The following MS4A5 variants were observed in gnomAD, a reference collection of about 807,000 sequenced individuals.
MS4A5 encodes the protein membrane spanning 4-domains A5.
Under a neutral mutation model 18.2 loss-of-function variants are expected in MS4A5, and 15 were observed. The ratio of observed to expected loss-of-function variants is 0.83; its 90% CI spans 0.55 to 1.27. The LOEUF (loss-of-function observed/expected upper bound fraction) is 1.27, where lower values mean the gene tolerates loss of function less well. MS4A5 is among the 50% of genes most tolerant of loss of function. The pLI, the probability that MS4A5 is intolerant of heterozygous loss-of-function variation, is 0.00. For missense variants in MS4A5, 232 were observed against 225.7 expected (o/e 1.03, Z -0.18); for synonymous variants, 89 against 78.7 (o/e 1.13, Z -0.69).
chr11:60,438,489 G>T (rs1284349699), intron 4 of MS4A5, among the ~76,000 whole-genome samples: 1 of 151,942 alleles, frequency 6.6e-6, no homozygotes, highest in Non-Finnish European at 1.5e-5. Flanking sequence ...CCAGGAGCTG[G>T]TTTTTTGAAA....
intron 4 of MS4A5, among the ~76,000 whole-genome samples, chr11:60,441,205 C>T (rs1406533198): frequency 7.4e-6 from 1 of 135,264 alleles, no homozygotes; most frequent in African/African-American, 2.7e-5. Context: ...CATATTCTCA[C>T]TCATAGGTGG....
At chr11:60,433,287 T>C (rs1237990761) in intron 3 of MS4A5, among the ~76,000 whole-genome samples, 3 of 152,228 alleles carry the variant, frequency 2.0e-5, no homozygotes, top group African/African-American at 7.2e-5. Flanking sequence ...AAGTAGAATA[T>C]TTTTACTTTA....
Position 60,447,766 on chromosome 11 carries a change from C to T in MS4A5, c.*7C>T. On this transcript the variant is annotated 3_prime_UTR_variant, in exon 5 of 5. Transcript: ENST00000300190. Reference sequence around the variant, plus strand: ...TTGTGAACAATGTTGTTGACTAGCACTGTGAGAATAAAGATGTGTTAAAAT... The same window carrying T: ...TTGTGAACAATGTTGTTGACTAGCATTGTGAGAATAAAGATGTGTTAAAAT... 1 of 1,492,694 alleles carries T rather than the reference C, an allele frequency of 6.7e-7. No individual in the cohort carries two copies. Among genetic ancestry groups the T allele is most frequent in the Non-Finnish European group, 9.2e-7 (1 of 1,085,052 alleles). The allele number at this position is 1,492,694 out of a possible 1,614,324, so 92.5% of individuals were successfully genotyped here. A position where few individuals can be genotyped will look rare whatever the true frequency, so the allele number is the denominator to read the frequency against.
chr11:60,441,266 G>T (rs2086110000), intron 4 of MS4A5, among the ~76,000 whole-genome samples: 2 of 135,486 alleles, frequency 1.5e-5, no homozygotes, highest in South Asian at 2.5e-4. Context: ...ATCACACTCT[G>T]GGAACTGTTA....
intron 4 of MS4A5, among the ~76,000 whole-genome samples, chr11:60,434,247 T>C (rs1369821958): frequency 6.6e-6 from 1 of 152,120 alleles, no homozygotes; most frequent in Non-Finnish European, 1.5e-5. Flanking sequence ...AGAATCACAG[T>C]GGTGTGTTTT....
At chr11:60,443,674 A>C (rs2086125408) in intron 4 of MS4A5, among the ~76,000 whole-genome samples, 1 of 152,082 alleles carries the variant, frequency 6.6e-6, no homozygotes, top group Non-Finnish European at 1.5e-5. Flanking sequence ...ACCATGGATA[A>C]GATAAAATAA....
At chr11:60,442,680 C>T (rs1307551987) in intron 4 of MS4A5, among the ~76,000 whole-genome samples, 2 of 152,178 alleles carry the variant, frequency 1.3e-5, no homozygotes, top group Non-Finnish European at 2.9e-5. Context: ...ATACAATATA[C>T]TGTCATTAAC....
intron 1 of MS4A5, among the ~76,000 whole-genome samples, chr11:60,430,117 G>C (rs1480406473): frequency 2.0e-5 from 3 of 152,204 alleles, no homozygotes; most frequent in Non-Finnish European, 4.4e-5. Context: ...GAGAAGAAGA[G>C]AGCAGAGCAC....
intron 2 of MS4A5, among the ~76,000 whole-genome samples, chr11:60,432,156 C>T (rs1168644132): frequency 3.3e-5 from 5 of 152,048 alleles, no homozygotes; most frequent in African/African-American, 1.2e-4. Flanking sequence ...GATGAGTAAA[C>T]CAAAGCCCTG....
At chr11:60,444,342 A>G (rs1309495849) in intron 4 of MS4A5, among the ~76,000 whole-genome samples, 1 of 152,208 alleles carries the variant, frequency 6.6e-6, no homozygotes, top group Admixed American at 6.5e-5. Flanking sequence ...GTGAAATCCT[A>G]AACTATAAAG....
intron 4 of MS4A5, among the ~76,000 whole-genome samples, chr11:60,446,157 C>A (rs1443493833): frequency 6.6e-6 from 1 of 152,120 alleles, no homozygotes; most frequent in Non-Finnish European, 1.5e-5. Context: ...TGAATGATGA[C>A]AAACTACACC....
intron 3 of MS4A5, 31 bp from the exon 4 acceptor site, chr11:60,433,734 G>A: frequency 5.0e-6 from 8 of 1,608,752 alleles, no homozygotes; most frequent in Non-Finnish European, 6.8e-6. Flanking sequence ...CTGGACCTCA[G>A]TCACATTGTT....
At chr11:60,440,800 G>A (rs1378201934) in intron 4 of MS4A5, among the ~76,000 whole-genome samples, 2 of 120,772 alleles carry the variant, frequency 1.7e-5, no homozygotes, top group Non-Finnish European at 1.7e-5. Flanking sequence ...AGGATGTGGA[G>A]AAATAGGAAC....
chr11:60,445,160 T>C (rs2086132427), intron 4 of MS4A5, among the ~76,000 whole-genome samples: 1 of 152,024 alleles, frequency 6.6e-6, no homozygotes, highest in African/African-American at 2.4e-5. Context: ...TGACTCTCAA[T>C]AGGGTGGGAG....
At chr11:60,432,739 C>G (rs967654698) in intron 3 of MS4A5, among the ~76,000 whole-genome samples, 4 of 145,640 alleles carry the variant, frequency 2.7e-5, no homozygotes, top group African/African-American at 7.6e-5. Flanking sequence ...GAGCCGAGAT[C>G]GTGCCTGGGC....
At chr11:60,432,290 C>T (rs963388299) in intron 2 of MS4A5, 121 bp from the exon 3 acceptor site, 5 of 569,646 alleles carry the variant, frequency 8.8e-6, no homozygotes, top group Admixed American at 6.5e-5. Context: ...CTTCTCACTG[C>T]CCTGAGGAGT....
chr11:60,433,922 G>T lies in MS4A5; in HGVS notation c.492+5G>T. 6.2e-7 allele frequency: 1 copy of T among 1,613,240 alleles called. No homozygotes were observed. The highest frequency in any genetic ancestry group is 1.1e-5 in the South Asian group (1 of 90,962). ...GCTGTTACTGTCCTGTTCTTGGTAA[G>T]TATGTTGCATTTATAGAGTGATGAG... On this transcript the variant is annotated splice_donor_5th_base_variant and intron_variant, in intron 4 of 4. Transcript: ENST00000300190.
At chr11:60,439,264 A>G (rs28819386) in intron 4 of MS4A5, among the ~76,000 whole-genome samples, 1 of 120,114 alleles carries the variant, frequency 8.3e-6, no homozygotes, top group Non-Finnish European at 1.7e-5. Context: ...AGGTATTGAT[A>G]GGACGTATTT....
intron 4 of MS4A5, among the ~76,000 whole-genome samples, chr11:60,445,385 G>A (rs529055601): frequency 3.3e-5 from 5 of 151,716 alleles, no homozygotes; most frequent in African/African-American, 4.8e-5. Context: ...TCAGCCTCCC[G>A]AGTAGCTGAG....
Sources: gnomAD v4.1 joint callset for allele counts (sites outside exome capture counted in the v4.1 genomes callset) on GRCh38, gnomAD v4.1.1 for gene constraint, MANE v1.5 for transcripts, NCBI Gene and HGNC (gene_info 2026-07-23, HGNC 2026-07-21) for gene names.